The following SCHIP1 variants were observed in gnomAD, a reference collection of about 807,000 sequenced individuals.
SCHIP1 encodes schwannomin-interacting protein 1.
Under a neutral mutation model 29.7 loss-of-function variants are expected in SCHIP1, and 8 were observed. The ratio of observed to expected loss-of-function variants is 0.27; its 90% CI spans 0.16 to 0.49. The LOEUF is 0.49. Ranked by LOEUF, SCHIP1 falls within the 20% of genes least tolerant of loss-of-function variation. The pLI is 0.99. For missense variants in SCHIP1, 193 were observed against 294.6 expected, an observed-to-expected ratio of 0.66 and a Z score of 2.52; for synonymous variants, 76 against 94.9, an observed-to-expected ratio of 0.80 and a Z score of 1.16.
the SCHIP1 span, among the ~76,000 whole-genome samples, chr3:159,769,499 C>T: frequency 6.6e-6 from 1 of 152,172 alleles, no homozygotes; most frequent in Admixed American, 6.5e-5. Flanking sequence ...CCTGTAATCC[C>T]AGCACTTTGG....
chr3:159,797,242 A>G, the SCHIP1 span, among the ~76,000 whole-genome samples: 3 of 152,320 alleles, frequency 2.0e-5, no homozygotes, highest in East Asian at 5.8e-4. Flanking sequence ...TCACTGTAAA[A>G]CTTGATTTTA....
At chr3:159,625,000 C>A in the SCHIP1 span, among the ~76,000 whole-genome samples, 1 of 152,168 alleles carries the variant, frequency 6.6e-6, no homozygotes, top group Admixed American at 6.5e-5. Flanking sequence ...AAAGGAGCCA[C>A]TACAGGAAAG....
intron 1 of SCHIP1, among the ~76,000 whole-genome samples, chr3:159,852,515 T>C (rs552858250): frequency 8.5e-5 from 13 of 152,278 alleles, no homozygotes; most frequent in Non-Finnish European, 1.6e-4. Context: ...TCCCTCTCTT[T>C]AGTAAAGCCT....
At chr3:159,322,553 G>A in the SCHIP1 span, among the ~76,000 whole-genome samples, 38 of 152,176 alleles carry the variant, frequency 2.5e-4, no homozygotes, top group African/African-American at 8.2e-4. Context: ...CTGAGTCTAC[G>A]GCCAAGTGAA....
the SCHIP1 span, among the ~76,000 whole-genome samples, chr3:159,311,693 A>T: frequency 7.0e-3 from 1,061 of 152,254 alleles, 19 homozygotes; most frequent in Non-Finnish European, 7.0e-3. Context: ...TTGCAAAGAA[A>T]TCATATTGTG....
At chr3:159,865,270 GTTGT>G (rs1714497513) in intron 1 of SCHIP1, among the ~76,000 whole-genome samples, 1 of 152,144 alleles carries the variant, frequency 6.6e-6, no homozygotes, top group South Asian at 2.1e-4. Flanking sequence ...TTTGACTCAT[GTTGT>G]TTGTTTTTTG....
the SCHIP1 span, among the ~76,000 whole-genome samples, chr3:159,687,052 T>C: frequency 6.6e-6 from 1 of 152,202 alleles, no homozygotes; most frequent in Admixed American, 6.5e-5. Context: ...CTTCTTTATG[T>C]CCTCTGATTT....
chr3:159,419,309 A>G, the SCHIP1 span, among the ~76,000 whole-genome samples: 32 of 152,144 alleles, frequency 2.1e-4, no homozygotes, highest in Non-Finnish European at 3.4e-4. Flanking sequence ...TGTGTGAAGC[A>G]CCTAGCACAA....
the SCHIP1 span, among the ~76,000 whole-genome samples, chr3:159,275,679 A>G: frequency 6.6e-6 from 1 of 152,124 alleles, no homozygotes; most frequent in East Asian, 1.9e-4. Context: ...CTATGTATTT[A>G]TTTAAGCAGA....
the SCHIP1 span, among the ~76,000 whole-genome samples, chr3:159,304,988 A>G: frequency 6.6e-6 from 1 of 152,032 alleles, no homozygotes; most frequent in Non-Finnish European, 1.5e-5. Context: ...GATGGAGCTC[A>G]TAGAGATCTC....
chr3:159,848,528 G>A (rs757677413), intron 1 of SCHIP1, among the ~76,000 whole-genome samples: 40 of 152,072 alleles, frequency 2.6e-4, no homozygotes, highest in Non-Finnish European at 5.0e-4. Context: ...TTAATCCCAA[G>A]CATGTAGTCA....
chr3:159,335,383 G>A, the SCHIP1 span, among the ~76,000 whole-genome samples: 1 of 151,972 alleles, frequency 6.6e-6, no homozygotes, highest in South Asian at 2.1e-4. Context: ...GGGTACATGT[G>A]CACAATGCAC....
the SCHIP1 span, among the ~76,000 whole-genome samples, chr3:159,532,473 G>C: frequency 1.3e-5 from 2 of 151,832 alleles, no homozygotes; most frequent in South Asian, 2.1e-4. Context: ...TCTGAGCTTT[G>C]TCATGATTTT....
chr3:159,385,071 C>G, the SCHIP1 span, among the ~76,000 whole-genome samples: 1 of 151,886 alleles, frequency 6.6e-6, no homozygotes, highest in Non-Finnish European at 1.5e-5. Context: ...AGCTCAGGAG[C>G]CGGGAATTGT....
the SCHIP1 span, among the ~76,000 whole-genome samples, chr3:159,337,289 G>A: frequency 1.3e-5 from 2 of 152,246 alleles, no homozygotes; most frequent in South Asian, 2.1e-4. Context: ...ACTGGCACAA[G>A]ACAGGGATGC....
the SCHIP1 span, among the ~76,000 whole-genome samples, chr3:159,285,955 A>C: frequency 6.6e-6 from 1 of 151,972 alleles, no homozygotes; most frequent in Non-Finnish European, 1.5e-5. Flanking sequence ...TTTTATTTAT[A>C]TTTAAAACTT....
chr3:159,540,748 T>C, the SCHIP1 span, among the ~76,000 whole-genome samples: 1 of 152,086 alleles, frequency 6.6e-6, no homozygotes, highest in South Asian at 2.1e-4. Flanking sequence ...AGGGGAAGTA[T>C]AGTTTGGGTA....
At chr3:159,646,406 G>A in the SCHIP1 span, among the ~76,000 whole-genome samples, 1 of 152,096 alleles carries the variant, frequency 6.6e-6, no homozygotes, top group Non-Finnish European at 1.5e-5. Flanking sequence ...CTTTGCACAG[G>A]AACACCCCAT....
At chr3:159,529,758 A>G in the SCHIP1 span, among the ~76,000 whole-genome samples, 2 of 152,128 alleles carry the variant, frequency 1.3e-5, no homozygotes, top group African/African-American at 4.8e-5. Flanking sequence ...GTTCACCTCC[A>G]CCTTCCCACC....
Sources: gnomAD v4.1 joint callset for allele counts (sites outside exome capture counted in the v4.1 genomes callset) on GRCh38, gnomAD v4.1.1 for gene constraint, MANE v1.5 for transcripts, NCBI Gene and HGNC (gene_info 2026-07-23, HGNC 2026-07-21) for gene names.